The following MTMR10 variants were observed in gnomAD, a reference collection of about 807,000 sequenced individuals.
The protein encoded by MTMR10 is myotubularin related protein 10.
A neutral mutation model predicts 88.1 loss-of-function variants in MTMR10; 56 were observed. The observed-to-expected ratio is 0.64, with a 90% CI of 0.51 to 0.79. MTMR10 has a LOEUF of 0.79. Among genes scored for constraint, MTMR10 ranks in the 30% least tolerant of loss-of-function variants. The pLI is 0.00. For missense variants in MTMR10, 883 were observed against 924.7 expected, an observed-to-expected ratio of 0.95 and a Z score of 0.58; for synonymous variants, 380 against 340.9, an observed-to-expected ratio of 1.11 and a Z score of -1.26.
At chr15:30,930,553 C>A in the MTMR10 span, 1 of 1,596,258 alleles carries the variant, frequency 6.3e-7, no homozygotes, top group South Asian at 1.1e-5. Flanking sequence ...GATCTTGTCT[C>A]CTGCCTGGGG....
chr15:30,937,447 C>CT (rs11317050), downstream of MTMR10, among the ~76,000 whole-genome samples: 139 of 78,876 alleles, frequency 1.8e-3, 1 homozygote, highest in East Asian at 3.0e-3. Flanking sequence ...GGGTAATAAA[C>CT]TTTTTTTTTT....
At chr15:30,924,245 A>G in the MTMR10 span, among the ~76,000 whole-genome samples, 2 of 152,190 alleles carry the variant, frequency 1.3e-5, no homozygotes, top group African/African-American at 2.4e-5. Context: ...CTAGCCACTC[A>G]TTGGTTGATG....
At chr15:30,989,592 T>C (rs2031171660) in intron 2 of MTMR10, among the ~76,000 whole-genome samples, 1 of 151,854 alleles carries the variant, frequency 6.6e-6, no homozygotes, top group Admixed American at 6.6e-5. Context: ...TCAGGTTTTT[T>C]TTTTTTTTGA....
the MTMR10 span, among the ~76,000 whole-genome samples, chr15:30,929,867 A>G: frequency 0.023 from 2,055 of 90,684 alleles, 169 homozygotes; most frequent in Non-Finnish European, 0.032. Flanking sequence ...TATATAATAT[A>G]TATAAAATAT....
intron 5 of MTMR10, among the ~76,000 whole-genome samples, chr15:30,969,090 TG>T (rs2063506440): frequency 1.3e-5 from 2 of 152,186 alleles, no homozygotes; most frequent in South Asian, 4.1e-4. Context: ...TGTTAGTTCA[TG>T]TCAAATTAGT....
intron 10 of MTMR10, 82 bp downstream of exon 10, chr15:30,954,681 T>G: frequency 7.6e-7 from 1 of 1,309,770 alleles, no homozygotes; most frequent in East Asian, 2.7e-5. Context: ...TTTCTACATT[T>G]TTAAGAACAT....
At chr15:30,967,160 A>G (rs2063482430) in intron 6 of MTMR10, among the ~76,000 whole-genome samples, 3 of 152,196 alleles carry the variant, frequency 2.0e-5, no homozygotes, top group Non-Finnish European at 2.9e-5. Flanking sequence ...TTGCTTAAAT[A>G]AAAGAACACA....
At chr15:30,925,042 CAG>C in the MTMR10 span, 2 of 1,396,278 alleles carry the variant, frequency 1.4e-6, no homozygotes, top group Non-Finnish European at 2.0e-6. Flanking sequence ...CAATAATAAA[CAG>C]TGGGCTTTTC....
chr15:30,925,789 G>A, the MTMR10 span: 6 of 1,613,982 alleles, frequency 3.7e-6, no homozygotes, highest in African/African-American at 2.7e-5. Context: ...GCTGTTTCAG[G>A]TGACCATCAC....
At position 30,991,544 on chromosome 15, in the gene MTMR10, C is replaced by A. The variant is rs1369070003; in HGVS notation, c.-38G>T. The A allele has an allele frequency of 6.5e-7, 1 of 1,532,734 alleles. No homozygotes were observed. Among genetic ancestry groups the A allele is most frequent in the African/African-American group, 1.4e-5 (1 of 69,072 alleles). The allele number at this position is 1,532,734 out of a possible 1,614,324, so 94.9% of individuals were successfully genotyped here. Reference sequence around the variant, plus strand: ...TTTTCGCCCCGTTCCCGTCGCGGGCCAGTGGCAGCGCCGACGCCTCCGGGC... The same window carrying A: ...TTTTCGCCCCGTTCCCGTCGCGGGCAAGTGGCAGCGCCGACGCCTCCGGGC... On this transcript the variant is annotated 5_prime_UTR_variant, in exon 1 of 16. Transcript: ENST00000435680.
chr15:30,944,800 C>T (rs2063145625), intron 14 of MTMR10, among the ~76,000 whole-genome samples: 1 of 151,760 alleles, frequency 6.6e-6, no homozygotes, highest in Non-Finnish European at 1.5e-5. Context: ...TGCTTGAGTC[C>T]AGGAGTTCAA....
the MTMR10 span, among the ~76,000 whole-genome samples, chr15:30,929,745 CATATATAATATAATATATAAA>C: frequency 2.8e-5 from 1 of 35,424 alleles, no homozygotes; most frequent in East Asian, 1.3e-3. Flanking sequence ...TATATTATAT[CATATATAATATAATATATAAA>C]ATATATAATA....
intron 5 of MTMR10, among the ~76,000 whole-genome samples, chr15:30,971,577 T>C (rs1244761963): frequency 6.6e-6 from 1 of 152,202 alleles, no homozygotes; most frequent in Non-Finnish European, 1.5e-5. Flanking sequence ...AAAGTATTCC[T>C]GAAGAAGTGA....
At chr15:30,953,180 G>C (rs926976326) in intron 11 of MTMR10, among the ~76,000 whole-genome samples, 1 of 152,226 alleles carries the variant, frequency 6.6e-6, no homozygotes, top group Non-Finnish European at 1.5e-5. Flanking sequence ...ATTGAGAAGA[G>C]ATTAGTGGTA....
intron 14 of MTMR10, among the ~76,000 whole-genome samples, chr15:30,945,007 C>CT (rs1487630900): frequency 1.4e-5 from 2 of 141,336 alleles, no homozygotes; most frequent in East Asian, 2.0e-4. Context: ...GCCAAACTGT[C>CT]TTAAAAAAAA....
Position 30,941,596 on chromosome 15 carries a change from G to T in MTMR10, c.2208C>A (p.Ser736=). The T allele has an allele frequency of 6.2e-7, 1 of 1,600,022 alleles. No homozygotes were observed. Among genetic ancestry groups the T allele is most frequent in the East Asian group, 2.3e-5 (1 of 44,370 alleles). ...TDTSGTPEFL[S]SSFPFSPVGN... ...CTACAGGAGAAAATGGAAATGAGGAGGAGAGAAACTCCGGTGTCCCCGAGG... is the reference window on the plus strand; with the variant it reads ...CTACAGGAGAAAATGGAAATGAGGATGAGAGAAACTCCGGTGTCCCCGAGG... The change falls in exon 16 of 16, where the codon TCC becomes TCA. Residue 736 remains serine (S), a synonymous_variant. Coordinates refer to ENST00000435680, the MANE Select transcript of MTMR10 (RefSeq NM_017762.3).
At chr15:30,925,795 A>AT in the MTMR10 span, 3 of 1,614,166 alleles carry the variant, frequency 1.9e-6, no homozygotes, top group Non-Finnish European at 2.5e-6. Flanking sequence ...TCAGGTGACC[A>AT]TCACAGGCAG....
intron 1 of MTMR10, 56 bp downstream of exon 1, chr15:30,991,391 G>A: frequency 7.1e-7 from 1 of 1,411,226 alleles, no homozygotes; most frequent in Non-Finnish European, 9.3e-7. Flanking sequence ...GGTCGGCCTG[G>A]AGGCTCCACG....
At chr15:30,929,586 ATATAT>A in the MTMR10 span, among the ~76,000 whole-genome samples, 5 of 125,848 alleles carry the variant, frequency 4.0e-5, no homozygotes, top group East Asian at 8.8e-4. Flanking sequence ...TTATTATATT[ATATAT>A]TATATATTAC....
Sources: allele counts gnomAD v4.1 joint callset (sites outside exome capture counted in the v4.1 genomes callset), GRCh38; gene constraint gnomAD v4.1.1; transcripts MANE v1.5; gene names NCBI Gene and HGNC (gene_info 2026-07-23, HGNC 2026-07-21).